The following CDH18 variants were observed in gnomAD, a reference collection of about 807,000 sequenced individuals.
CDH18 encodes cadherin 18.
Under a neutral mutation model 67.9 loss-of-function variants are expected in CDH18, and 31 were observed. The ratio of observed to expected loss-of-function variants is 0.46; its 90% confidence interval spans 0.34 to 0.62. The LOEUF (loss-of-function observed/expected upper bound fraction) is 0.62. Among genes scored for constraint, CDH18 ranks in the 20% least tolerant of loss-of-function variants. CDH18 has a pLI of 0.01. For synonymous variants in CDH18, 362 were observed against 347.2 expected, an observed-to-expected ratio of 1.04 and a Z score of -0.48; for missense variants, 890 against 975.5, an observed-to-expected ratio of 0.91 and a Z score of 1.17.
rs568018361 is a variant in CDH18, at chr5:19,677,382, T to C, written c.643+43965A>G. On this transcript the variant is annotated intron_variant, in intron 5 of 12. Transcript: ENST00000382275. ...TAACGGAATTCATTACCACCAGAACTGCCTTAAAGAAGATCCTTAAAGGAG... is the reference window on the plus strand; with the variant it reads ...TAACGGAATTCATTACCACCAGAACCGCCTTAAAGAAGATCCTTAAAGGAG... Among the ~76,000 whole-genome samples, 6 of 152,178 alleles carry C rather than the reference T, an allele frequency of 3.9e-5. No homozygotes were observed. In the South Asian group the frequency reaches 1.2e-3, roughly 32 times the overall value.
intron 4 of CDH18, among the ~76,000 whole-genome samples, chr5:19,724,424 G>C (rs1174752841): frequency 3.3e-5 from 5 of 151,970 alleles, no homozygotes; most frequent in Non-Finnish European, 7.4e-5. Context: ...TATTGGAGCT[G>C]TTCAATATTT....
chr5:20,165,171 C>T (rs1331251141), intron 2 of CDH18, among the ~76,000 whole-genome samples: 3 of 151,988 alleles, frequency 2.0e-5, no homozygotes, highest in Admixed American at 6.6e-5. Flanking sequence ...AAAGAAAAAA[C>T]ATATTATTTG....
At chr5:20,540,675 A>G (rs1757003960) in intron 1 of CDH18, among the ~76,000 whole-genome samples, 1 of 152,232 alleles carries the variant, frequency 6.6e-6, no homozygotes, top group African/African-American at 2.4e-5. Flanking sequence ...TCAGAGAAGC[A>G]CATCTAGATG....
chr5:19,969,611 G>A (rs1443100949), intron 2 of CDH18, among the ~76,000 whole-genome samples: 17 of 150,150 alleles, frequency 1.1e-4, no homozygotes, highest in East Asian at 5.9e-4. Flanking sequence ...ACCAAACGCC[G>A]CATGTTCTCA....
At chr5:20,076,772 T>C (rs984009698) in intron 2 of CDH18, among the ~76,000 whole-genome samples, 2 of 152,180 alleles carry the variant, frequency 1.3e-5, no homozygotes, top group Non-Finnish European at 2.9e-5. Flanking sequence ...TTTAGAAATA[T>C]TTACAGATTA....
At chr5:20,207,709 G>A (rs113803172) in intron 2 of CDH18, among the ~76,000 whole-genome samples, 1 of 152,152 alleles carries the variant, frequency 6.6e-6, no homozygotes, top group African/African-American at 2.4e-5. Flanking sequence ...AAAATTATAG[G>A]AGCTACAAGA....
intron 2 of CDH18, among the ~76,000 whole-genome samples, chr5:20,076,505 G>A (rs1025193242): frequency 6.6e-6 from 1 of 151,234 alleles, no homozygotes; most frequent in Non-Finnish European, 1.5e-5. Context: ...AAAGACATCA[G>A]TAGGCATTAA....
chr5:19,934,439 T>A (rs1794025083), intron 2 of CDH18, among the ~76,000 whole-genome samples: 1 of 151,358 alleles, frequency 6.6e-6, no homozygotes, highest in Admixed American at 6.6e-5. Flanking sequence ...TCTGTTATAT[T>A]TATGCACAAG....
intron 5 of CDH18, among the ~76,000 whole-genome samples, chr5:19,628,004 A>G (rs1751813838): frequency 6.6e-6 from 1 of 152,112 alleles, no homozygotes; most frequent in East Asian, 1.9e-4. Flanking sequence ...GAGTGATGAT[A>G]TGGTTTGGTG....
chr5:20,528,393 C>G (rs529242295), intron 1 of CDH18, among the ~76,000 whole-genome samples: 5 of 152,044 alleles, frequency 3.3e-5, no homozygotes, highest in African/African-American at 9.7e-5. Flanking sequence ...CAGCTCTGGA[C>G]CAAGTGGACC....
chr5:20,304,761 T>C, intron 1 of CDH18: 6 of 1,611,148 alleles, frequency 3.7e-6, no homozygotes, highest in Non-Finnish European at 5.1e-6. Flanking sequence ...ACTCTTGCTG[T>C]AATTTTGTTG....
intron 1 of CDH18, among the ~76,000 whole-genome samples, chr5:20,484,369 A>G (rs112611394): frequency 0.03 from 4,611 of 152,130 alleles, 82 homozygotes; most frequent in Non-Finnish European, 0.043. Flanking sequence ...AACATTTTAG[A>G]GGCTCTTCAA....
intron 5 of CDH18, among the ~76,000 whole-genome samples, chr5:19,693,006 T>G (rs1052614042): frequency 2.0e-5 from 3 of 151,922 alleles, no homozygotes; most frequent in African/African-American, 7.2e-5. Flanking sequence ...TGGCTATCAA[T>G]CGATTAATGC....
chr5:19,497,560 A>G (rs566642864), intron 11 of CDH18, among the ~76,000 whole-genome samples: 8 of 152,366 alleles, frequency 5.3e-5, no homozygotes, highest in African/African-American at 1.9e-4. Context: ...AACATATGTC[A>G]GGAAAGATCC....
intron 2 of CDH18, among the ~76,000 whole-genome samples, chr5:19,946,092 G>T (rs1048050629): frequency 6.6e-6 from 1 of 151,922 alleles, no homozygotes; most frequent in Non-Finnish European, 1.5e-5. Context: ...AATGTGGAAA[G>T]AACTCATAAA....
At chr5:20,117,392 G>T (rs1475368637) in intron 2 of CDH18, among the ~76,000 whole-genome samples, 2 of 152,114 alleles carry the variant, frequency 1.3e-5, no homozygotes. Context: ...TCAATCAAAT[G>T]CTGAAGGTAG....
intron 1 of CDH18, among the ~76,000 whole-genome samples, chr5:20,362,621 G>C (rs1235911485): frequency 6.6e-6 from 1 of 152,150 alleles, no homozygotes; most frequent in African/African-American, 2.4e-5. Context: ...CAGAAGAAAA[G>C]ACAATGAATT....
chr5:19,940,429 T>C (rs1375150524), intron 2 of CDH18, among the ~76,000 whole-genome samples: 1 of 151,948 alleles, frequency 6.6e-6, no homozygotes, highest in Non-Finnish European at 1.5e-5. Context: ...CAGCTCATTC[T>C]CCACACATCA....
intron 5 of CDH18, among the ~76,000 whole-genome samples, chr5:19,650,360 C>A (rs1205973922): frequency 1.3e-5 from 2 of 152,034 alleles, no homozygotes; most frequent in African/African-American, 2.4e-5. Flanking sequence ...ATAACCACAA[C>A]AGTCACTTTT....
Sources: allele counts gnomAD v4.1 joint callset (sites outside exome capture counted in the v4.1 genomes callset), GRCh38; gene constraint gnomAD v4.1.1; transcripts MANE v1.5; gene names NCBI Gene and HGNC (gene_info 2026-07-23, HGNC 2026-07-21).